The following FAM124A variants were observed in gnomAD, a reference collection of about 807,000 sequenced individuals.
FAM124A encodes family with sequence similarity 124 member A.
A neutral mutation model predicts 24.5 loss-of-function variants in FAM124A; 23 were observed. That is an observed-to-expected ratio of 0.94 (90% CI 0.68 to 1.33). The LOEUF is 1.33. Among genes scored for constraint, FAM124A ranks in the 40% most tolerant of loss-of-function variants. The pLI, the probability that FAM124A is intolerant of heterozygous loss-of-function variation, is 0.00. For missense variants in FAM124A, 623 were observed against 722.8 expected (o/e 0.86, Z 1.58); for synonymous variants, 287 against 314.7 (o/e 0.91, Z 0.93).
At chr13:51,274,354 T>C (rs545279117) in intron 3 of FAM124A, among the ~76,000 whole-genome samples, 79 of 152,364 alleles carry the variant, frequency 5.2e-4, no homozygotes, top group Non-Finnish European at 9.7e-4. Flanking sequence ...CACTTGAGCA[T>C]TGGAAATCCA....
In FAM124A at chr13:51,280,724, G is replaced by T; in HGVS notation, c.1109G>T (p.Gly370Val). 1 of 1,614,132 alleles carries T rather than the reference G, an allele frequency of 6.2e-7. No individual in the cohort carries two copies. Among genetic ancestry groups the T allele is most frequent in the Non-Finnish European group, 8.5e-7 (1 of 1,180,030 alleles). Residue 370 changes from glycine (G) to valine (V), a missense_variant, in exon 4 of 4, where the codon GGC becomes GTC. Physicochemically the swap from Gly to Val is moderately radical, Grantham distance 109. Transcript: ENST00000322475. ...TCCTTGTTTTGTTTGCCCACGGGAG[G>T]CCCCTCCCTGGCCTCCTCAGCTGAA... ...SKSLFCLPTG[G>V]PSLASSAEPQ...
chr13:51,262,807 G>A (rs187486517), intron 3 of FAM124A, among the ~76,000 whole-genome samples: 101 of 152,304 alleles, frequency 6.6e-4, no homozygotes, highest in African/African-American at 2.2e-3. Flanking sequence ...CTATCTTCCC[G>A]AGGTGGTCTG....
chr13:51,241,994 C>T (rs1001753998), intron 2 of FAM124A, among the ~76,000 whole-genome samples: 4 of 152,174 alleles, frequency 2.6e-5, no homozygotes, highest in Non-Finnish European at 4.4e-5. Context: ...AGGATTCCTC[C>T]CACGAGCTCT....
chr13:51,241,215 G>A (rs1490284000), intron 2 of FAM124A, among the ~76,000 whole-genome samples: 1 of 152,220 alleles, frequency 6.6e-6, no homozygotes, highest in African/African-American at 2.4e-5. Flanking sequence ...TGAACAGCCA[G>A]GACTCTGTAG....
At chr13:51,253,474 T>A (rs1011356267) in intron 3 of FAM124A, 3 of 152,260 alleles carry the variant, frequency 2.0e-5, no homozygotes, top group African/African-American at 7.2e-5. Flanking sequence ...GCATTTGCTC[T>A]ATAATCCCTT....
rs997573344 is a variant in FAM124A, at chr13:51,246,406, G to T, written c.101-5062G>T. On this transcript the variant is annotated intron_variant, in intron 2 of 3. Coordinates refer to ENST00000322475, the MANE Select transcript of FAM124A (RefSeq NM_001242312.2). The stretch of plus-strand genomic sequence containing the variant: ...ACAGAGGCATGTTTCTCGTGGGGTG[G>T]GGGGGGGTGTAACTCTAACACCTGA... Among the ~76,000 whole-genome samples, 261 of 146,374 alleles carry T rather than the reference G, an allele frequency of 1.8e-3. 8 individuals carry two copies. Among genetic ancestry groups the T allele is most frequent in the African/African-American group, 6.3e-3 (255 of 40,616 alleles).
In FAM124A at chr13:51,280,478, A is replaced by G. The variant is rs761129316; in HGVS notation, c.863A>G (p.Lys288Arg). The G allele has an allele frequency of 6.2e-7, 1 of 1,610,308 alleles. No homozygotes were observed. Among genetic ancestry groups the G allele is most frequent in the East Asian group, 2.2e-5 (1 of 44,804 alleles). Residue 288 changes from lysine to arginine, a missense_variant, in exon 4 of 4, where the codon AAA (lysine) becomes AGA (arginine). Coordinates refer to ENST00000322475, the MANE Select transcript of FAM124A (RefSeq NM_001242312.2). ...QAQRVHKKFP[K>R]PGRVHHASEK... The stretch of plus-strand genomic sequence containing the variant: ...CAAAGGGTGCATAAGAAGTTTCCTA[A>G]ACCTGGCAGAGTACATCATGCCTCC...
chr13:51,237,362 C>T (rs965456438), intron 2 of FAM124A, among the ~76,000 whole-genome samples: 1 of 152,072 alleles, frequency 6.6e-6, no homozygotes, highest in Non-Finnish European at 1.5e-5. Flanking sequence ...TTCTACTCTA[C>T]CATCCACAGA....
chr13:51,247,527 C>A (rs929361445), intron 2 of FAM124A, among the ~76,000 whole-genome samples: 4 of 152,218 alleles, frequency 2.6e-5, no homozygotes, highest in Non-Finnish European at 4.4e-5. Context: ...CACATGCACA[C>A]CTGGGGGTGG....
At chr13:51,225,791 G>A (rs1251254628) in intron 1 of FAM124A, among the ~76,000 whole-genome samples, 1 of 151,980 alleles carries the variant, frequency 6.6e-6, no homozygotes, top group Non-Finnish European at 1.5e-5. Context: ...GGAGACAGGT[G>A]GATTCCTTTG....
chr13:51,251,677 G>T lies in FAM124A; in HGVS notation c.310G>T (p.Val104Leu), dbSNP rs776013786. The change falls in exon 3 of 4, where the codon GTG becomes TTG. Residue 104 changes from valine to leucine, a missense_variant. Transcript: ENST00000322475. The surrounding 1 kb of genome is among the most constrained non-coding windows in gnomAD (Gnocchi z 5.3). Reference sequence around the variant, plus strand: ...GGGCGCTCAGCCAGCGCTGGCTGTGGTGCTGTTCCTGCAGGAGGAGTACGG... The same window carrying T: ...GGGCGCTCAGCCAGCGCTGGCTGTGTTGCTGTTCCTGCAGGAGGAGTACGG... ...PKGAQPALAV[V>L]LFLQEEYGEE... is the part of the protein sequence containing the mutation. The T allele has an allele frequency of 1.9e-5, 30 of 1,589,508 alleles. No individual in the cohort carries two copies. Among genetic ancestry groups the T allele is most frequent in the Admixed American group, 1.4e-4 (8 of 56,678 alleles).
intron 2 of FAM124A, among the ~76,000 whole-genome samples, chr13:51,236,038 T>G (rs1954431639): frequency 6.6e-6 from 1 of 152,150 alleles, no homozygotes; most frequent in Non-Finnish European, 1.5e-5. Flanking sequence ...GCTCTGTCCC[T>G]CCAGTAACTC....
chr13:51,231,565 A>G (rs538411968), intron 2 of FAM124A, among the ~76,000 whole-genome samples, 186 bp downstream of exon 2: 1 of 152,356 alleles, frequency 6.6e-6, no homozygotes, highest in East Asian at 1.9e-4. Flanking sequence ...CTGATCATAC[A>G]GAAATTCAGC....
At position 51,282,324 on chromosome 13, in the gene FAM124A, C is replaced by T. The variant is rs1954948034; in HGVS notation, c.*1068C>T. ...AAAACGGGAAACTTTACCTGAAACG[C>T]TCTCCTGAACAAACACCAGTGCACT... On this transcript the variant is annotated 3_prime_UTR_variant, in exon 4 of 4. Transcript: ENST00000322475. 6.6e-6 allele frequency: 1 copy of T among 152,204 alleles called. No individual in the cohort carries two copies. Among genetic ancestry groups the T allele is most frequent in the African/African-American group, 2.4e-5 (1 of 41,458 alleles). 9.4% of individuals were successfully genotyped at this position (152,204 alleles called of 1,614,324 possible).
Position 51,252,207 on chromosome 13 carries a change from G to A in FAM124A, c.834+6G>A. 6.2e-7 allele frequency: 1 copy of A among 1,610,270 alleles called. No homozygotes were observed. The highest frequency in any genetic ancestry group is 8.5e-7 in the Non-Finnish European group (1 of 1,178,728). On this transcript the variant is annotated splice_donor_region_variant and intron_variant, in intron 3 of 3. Transcript: ENST00000322475. Reference sequence around the variant, plus strand: ...GGAACAAGATCCTCCTACAGGTACTGGGGGGACGCCTGTCTGTCTGTTTAG... The same window carrying A: ...GGAACAAGATCCTCCTACAGGTACTAGGGGGACGCCTGTCTGTCTGTTTAG...
chr13:51,258,026 A>G lies in FAM124A; in HGVS notation c.834+5825A>G, dbSNP rs185034964. On this transcript the variant is annotated intron_variant, in intron 3 of 3. Coordinates refer to ENST00000322475, the MANE Select transcript of FAM124A (RefSeq NM_001242312.2). The surrounding 1 kb of genome is among the most constrained non-coding windows in gnomAD (Gnocchi z 4.2). ...GTTGGTTCCTCCAAAGGTTGTGAGG[A>G]AGAATCTGTTCCATTCCTCTCCCCA... Among the ~76,000 whole-genome samples the G allele has an allele frequency of 3.2e-3, 493 of 152,354 alleles. 3 individuals carry two copies. The highest frequency in any genetic ancestry group is 0.011 in the African/African-American group (466 of 41,580).
At chr13:51,262,991 G>T (rs768572577) in intron 3 of FAM124A, among the ~76,000 whole-genome samples, 4 of 152,190 alleles carry the variant, frequency 2.6e-5, no homozygotes, top group Admixed American at 6.5e-5. Context: ...GAGGGCTCCT[G>T]GGCCCACTGT....
intron 3 of FAM124A, chr13:51,253,314 A>G (rs1954644512): frequency 6.6e-6 from 1 of 152,252 alleles, no homozygotes; most frequent in East Asian, 1.9e-4. Context: ...CACATGTCAG[A>G]TAACTGGTTC....
intron 1 of FAM124A, chr13:51,225,211 A>G (rs547653196): frequency 6.6e-6 from 1 of 152,218 alleles, no homozygotes; most frequent in Non-Finnish European, 1.5e-5. Context: ...GAGGTGTTGC[A>G]AGACATCCAA....
Sources: allele counts gnomAD v4.1 joint callset (sites outside exome capture counted in the v4.1 genomes callset), GRCh38; gene constraint gnomAD v4.1.1; non-coding constraint Gnocchi (gnomAD v3.1); transcripts MANE v1.5; gene names NCBI Gene and HGNC (gene_info 2026-07-23, HGNC 2026-07-21).